Variants in TBC1D1 observed in about 807,000 individuals in gnomAD.
TBC1D1 encodes the protein TBC1 (tre-2/USP6, BUB2, cdc16) domain family, member 1.
Under a neutral mutation model 125.6 loss-of-function variants are expected in TBC1D1, and 89 were observed. The observed-to-expected ratio is 0.71, with a 90% confidence interval of 0.60 to 0.85. The LOEUF (loss-of-function observed/expected upper bound fraction) is 0.85, where lower values mean the gene tolerates loss of function less well. Ranked by LOEUF, TBC1D1 falls within the 40% of genes least tolerant of loss-of-function variation. The pLI is 0.00. For missense variants in TBC1D1, 1,377 were observed against 1,469.2 expected (o/e 0.94, Z 1.03); for synonymous variants, 565 against 564.1 (o/e 1.00, Z -0.02).
chr4:38,081,090 T>C (rs2381143), intron 12 of TBC1D1, among the ~76,000 whole-genome samples: 66,231 of 151,912 alleles, frequency 0.44, 16,301 homozygotes, highest in East Asian at 0.66. Context: ...GCTTGTTTCC[T>C]TCCACTCTGC....
intron 2 of TBC1D1, among the ~76,000 whole-genome samples, chr4:37,994,452 C>G (rs1332324372): frequency 6.6e-6 from 1 of 152,064 alleles, no homozygotes; most frequent in African/African-American, 2.4e-5. Flanking sequence ...ACTGTGTTGC[C>G]CAGGCTGGTC....
At chr4:37,960,777 G>A (rs756769813) in intron 2 of TBC1D1, 1 of 1,614,172 alleles carries the variant, frequency 6.2e-7, no homozygotes, top group Non-Finnish European at 8.5e-7. Flanking sequence ...TCCAGAAATA[G>A]AAAAATTCTT....
rs1560259873 is a variant in TBC1D1 at position 38,118,035 on chromosome 4, C to T, written c.2805C>T (p.Ile935=). Residue 935 remains isoleucine, a splice_region_variant and synonymous_variant, in exon 17 of 20, where the codon ATC becomes ATT. Transcript: ENST00000261439. ...CCCTTGTGGCTGTCTTCCTGCAGAT[C>T]CAGATGTACCAGCTCTCGAGGTTGC... 6.2e-7 allele frequency: 1 copy of T among 1,613,920 alleles called. No individual in the cohort carries two copies. Among genetic ancestry groups the T allele is most frequent in the Non-Finnish European group, 8.5e-7 (1 of 1,179,924 alleles).
intron 12 of TBC1D1, among the ~76,000 whole-genome samples, chr4:38,063,931 T>C (rs1753222577): frequency 6.6e-6 from 1 of 152,208 alleles, no homozygotes; most frequent in African/African-American, 2.4e-5. Context: ...CACCGCAGTC[T>C]AATTTTGAAA....
At chr4:38,133,311 T>C in intron 19 of TBC1D1, 54 bp downstream of exon 21, 1 of 1,542,790 alleles carries the variant, frequency 6.5e-7, no homozygotes, top group Non-Finnish European at 8.8e-7. Context: ...GGTAGTTCAT[T>C]AACTCACCAA....
intron 2 of TBC1D1, chr4:37,960,590 T>A (rs1560534228): frequency 6.2e-7 from 1 of 1,614,116 alleles, no homozygotes; most frequent in Admixed American, 1.7e-5. Flanking sequence ...CATACGATGC[T>A]CCATCAGCCT....
chr4:38,102,619 C>T (rs894271232), intron 14 of TBC1D1, among the ~76,000 whole-genome samples: 1 of 152,046 alleles, frequency 6.6e-6, no homozygotes, highest in African/African-American at 2.4e-5. Context: ...ATGGCTCATC[C>T]CTGTAATCCC....
chr4:38,021,790 C>G (rs75833459), intron 6 of TBC1D1, 72 bp downstream of exon 6: 1 of 1,377,714 alleles, frequency 7.3e-7, no homozygotes, highest in Admixed American at 3.6e-5. Context: ...AGATGATACT[C>G]ATCTGTTGGA....
At chr4:38,003,191 T>A (rs552782128) in intron 2 of TBC1D1, among the ~76,000 whole-genome samples, 1 of 152,344 alleles carries the variant, frequency 6.6e-6, no homozygotes, top group African/African-American at 2.4e-5. Context: ...ATTAGATCTA[T>A]AACTAAATTT....
rs1181401105 is a variant in TBC1D1, at chr4:37,995,531, C to T, written c.418-18978C>T. 6 of 351,930 alleles carry T rather than the reference C, an allele frequency of 1.7e-5. No homozygotes were observed. The highest frequency in any genetic ancestry group is 4.6e-5 in the South Asian group (2 of 43,812). 21.8% of individuals were successfully genotyped at this position (351,930 alleles called of 1,614,324 possible). Reference sequence around the variant, plus strand: ...TGGTTTCTCTTCACCTTTTGGGTTGCGGTTTTCTCCAGGTTGGTGCTGATG... The same window carrying T: ...TGGTTTCTCTTCACCTTTTGGGTTGTGGTTTTCTCCAGGTTGGTGCTGATG... On this transcript the variant is annotated intron_variant, in intron 2 of 19. Transcript: ENST00000261439. This position sits in a 1 kb window ranked among gnomAD's most constrained non-coding sequence, Gnocchi z 4.3.
At chr4:37,928,458 G>GT (rs35078309) in intron 2 of TBC1D1, among the ~76,000 whole-genome samples, 43,816 of 151,446 alleles carry the variant, frequency 0.29, 7,439 homozygotes, top group Non-Finnish European at 0.39. Context: ...AGAAGCTTAG[G>GT]TTTTTTTTTG....
chr4:38,111,025 G>A (rs186822306), intron 15 of TBC1D1, among the ~76,000 whole-genome samples: 47 of 152,394 alleles, frequency 3.1e-4, no homozygotes, highest in Middle Eastern at 3.4e-3. Flanking sequence ...GAGGGGCTGA[G>A]TGTGTTCTCA....
Position 38,052,072 on chromosome 4 carries a change from C to G in TBC1D1, c.1911-2127C>G. ...GCTGTGCCAAAGAGGTGAGCACACT[C>G]ACGTGGCAAGTTTGGTGTTGTCTGT... On this transcript the variant is annotated intron_variant, in intron 11 of 19. Coordinates refer to ENST00000261439, the MANE Select transcript of TBC1D1 (RefSeq NM_015173.4). 6.4e-7 allele frequency: 1 copy of G among 1,550,864 alleles called. No individual in the cohort carries two copies. The highest frequency in any genetic ancestry group is 8.7e-7 in the Non-Finnish European group (1 of 1,146,936).
chr4:38,050,041 C>A lies in TBC1D1; in HGVS notation c.1910+143C>A, dbSNP rs987101803. ...TTGGAGATAAAACTGGAAGCAGTGA[C>A]ATGTTCGTTCGAGCTGCTTGTGAGT... is the stretch of plus-strand genomic sequence containing the variant. On this transcript the variant is annotated intron_variant, in intron 11 of 19. Transcript: ENST00000261439. The A allele has an allele frequency of 4.2e-6, 4 of 952,866 alleles. No individual in the cohort carries two copies. The African/African-American group carries it at 4.9e-5, about 12-fold the overall frequency. 59.0% of individuals were successfully genotyped at this position (952,866 alleles called of 1,614,324 possible).
At chr4:37,940,733 AG>A (rs1264644505) in intron 2 of TBC1D1, among the ~76,000 whole-genome samples, 3 of 152,300 alleles carry the variant, frequency 2.0e-5, no homozygotes, top group South Asian at 2.1e-4. Flanking sequence ...TTTAGCATGA[AG>A]GGCTGTTGAA....
In TBC1D1 at chr4:37,974,316, G is replaced by A. The variant is rs530927037; in HGVS notation, c.418-40193G>A. ...CTGAATCTCAACTCACTGCAGTTTC[G>A]ACATCTAGGGCTCAAATGATCTTCC... On this transcript the variant is annotated intron_variant, in intron 2 of 19. Transcript: ENST00000261439. 5.3e-5 allele frequency among the ~76,000 whole-genome samples: 8 copies of A among 151,912 alleles called. No individual in the cohort carries two copies. The South Asian group carries it at 1.3e-3, about 24-fold the overall frequency.
chr4:37,951,208 T>C (rs1336190831), intron 2 of TBC1D1, among the ~76,000 whole-genome samples: 3 of 152,224 alleles, frequency 2.0e-5, no homozygotes, highest in African/African-American at 7.2e-5. Context: ...CTTTGGGCGC[T>C]ATTTACTGTA....
At chr4:38,048,688 C>A (rs74870874) in intron 10 of TBC1D1, among the ~76,000 whole-genome samples, 3,511 of 151,852 alleles carry the variant, frequency 0.023, 70 homozygotes, top group African/African-American at 0.049. Context: ...TTTATTTTTT[C>A]TCTTCCAACA....
intron 8 of TBC1D1, among the ~76,000 whole-genome samples, chr4:38,042,585 C>T (rs575506717): frequency 1.3e-5 from 2 of 152,222 alleles, no homozygotes; most frequent in African/African-American, 4.8e-5. Flanking sequence ...TGTATTCATT[C>T]ATTTAAGCCT....
Sources: allele counts gnomAD v4.1 joint callset (sites outside exome capture counted in the v4.1 genomes callset), GRCh38; gene constraint gnomAD v4.1.1; non-coding constraint Gnocchi (gnomAD v3.1); transcripts MANE v1.5; gene names NCBI Gene and HGNC (gene_info 2026-07-23, HGNC 2026-07-21).